Variants in CDYL observed in about 807,000 individuals in gnomAD.
CDYL encodes the protein chromodomain Y like.
In CDYL, 8 loss-of-function variants were observed where a neutral mutation model predicts 47.3. That is an observed-to-expected ratio of 0.17 (90% CI 0.10 to 0.31). The LOEUF (loss-of-function observed/expected upper bound fraction) is 0.31, where lower values mean the gene tolerates loss of function less well. CDYL is among the 10% of genes least tolerant of loss of function. CDYL has a pLI of 1.00. For synonymous variants in CDYL, 266 were observed against 265.0 expected, an observed-to-expected ratio of 1.00 and a Z score of -0.04; for missense variants, 471 against 701.4, an observed-to-expected ratio of 0.67 and a Z score of 3.71.
chr6:4,755,839 G>GT (rs1278887563), intron 3 of CDYL, among the ~76,000 whole-genome samples: 3 of 152,110 alleles, frequency 2.0e-5, no homozygotes, highest in African/African-American at 7.2e-5. Context: ...TTGAACTCAA[G>GT]TGTCATGTTA....
intron 1 of CDYL, among the ~76,000 whole-genome samples, chr6:4,838,592 A>G (rs1760394158): frequency 6.6e-6 from 1 of 152,198 alleles, no homozygotes; most frequent in African/African-American, 2.4e-5. Flanking sequence ...GCAATTGCAA[A>G]TATAAACGTG....
rs115466551 is a variant in CDYL, at chr6:4,864,599, G to A, written c.25-27114G>A. On this transcript the variant is annotated intron_variant, in intron 1 of 6. Coordinates refer to ENST00000397588, the MANE Select transcript of CDYL (RefSeq NM_004824.4). ...TTGTGATAGGGACCCAGGGCAAGGG[G>A]GTAATTGAATCATGGGGCCGGTTTT... 7.6e-3 allele frequency among the ~76,000 whole-genome samples: 1,154 copies of A among 152,208 alleles called. 14 individuals are homozygous for A. Among genetic ancestry groups the A allele is most frequent in the African/African-American group, 0.027 (1,118 of 41,506 alleles).
intron 1 of CDYL, among the ~76,000 whole-genome samples, chr6:4,708,748 G>A (rs1441471472): frequency 6.6e-6 from 1 of 152,170 alleles, no homozygotes; most frequent in South Asian, 2.1e-4. Context: ...GCTGGGCACA[G>A]TGGCTCACAC....
intron 1 of CDYL, among the ~76,000 whole-genome samples, chr6:4,790,659 T>A (rs1758893774): frequency 6.6e-6 from 1 of 152,232 alleles, no homozygotes; most frequent in South Asian, 2.1e-4. Context: ...TACCTGTAAT[T>A]TCAAAGGCAG....
chr6:4,776,655 C>T lies in CDYL; in HGVS notation c.-129C>T, dbSNP rs1581158899. On this transcript the variant is annotated 5_prime_UTR_variant, in exon 1 of 7. Transcript: ENST00000397588. The stretch of plus-strand genomic sequence containing the variant: ...GGAGTGCAAGAGGCTCGTCCGTGCC[C>T]AGCGCCCGGCCGGCCGCGGGAGCAG... 5.0e-6 allele frequency: 4 copies of T among 800,068 alleles called. No homozygotes were observed. The African/African-American group carries it at 5.6e-5, about 11-fold the overall frequency. 49.6% of individuals were successfully genotyped at this position (800,068 alleles called of 1,614,324 possible). A position where few individuals can be genotyped will look rare whatever the true frequency, so the allele number is the denominator to read the frequency against.
At chr6:4,796,999 G>A (rs1446186134) in intron 1 of CDYL, among the ~76,000 whole-genome samples, 2 of 152,058 alleles carry the variant, frequency 1.3e-5, no homozygotes, top group Non-Finnish European at 1.5e-5. Context: ...GTTGCCATTA[G>A]TTTCTTTGAA....
At chr6:4,716,162 G>A (rs1757256835) in intron 2 of CDYL, among the ~76,000 whole-genome samples, 1 of 151,794 alleles carries the variant, frequency 6.6e-6, no homozygotes, top group South Asian at 2.1e-4. Context: ...GCAGGAGAAT[G>A]GCGTGAACCC....
chr6:4,904,737 A>T (rs919168898), intron 2 of CDYL, among the ~76,000 whole-genome samples: 1 of 152,156 alleles, frequency 6.6e-6, no homozygotes, highest in Non-Finnish European at 1.5e-5. Context: ...GTTCTTATTT[A>T]TGTCTGTGCA....
chr6:4,914,284 C>CAG (rs1414505154), intron 2 of CDYL, among the ~76,000 whole-genome samples: 1 of 151,572 alleles, frequency 6.6e-6, no homozygotes, highest in East Asian at 1.9e-4. Context: ...CCCCAGAGGC[C>CAG]AGAGAGAGGG....
intron 2 of CDYL, among the ~76,000 whole-genome samples, chr6:4,929,253 A>G (rs1757964528): frequency 6.6e-6 from 1 of 151,842 alleles, no homozygotes; most frequent in South Asian, 2.1e-4. Context: ...CATACACTTC[A>G]AAGGTGCCAT....
intron 2 of CDYL, among the ~76,000 whole-genome samples, chr6:4,897,477 G>A (rs961230044): frequency 9.9e-5 from 15 of 152,220 alleles, no homozygotes; most frequent in Admixed American, 3.9e-4. Flanking sequence ...AAGAATATGA[G>A]TAGATGATCC....
chr6:4,885,366 C>A (rs13195561), intron 1 of CDYL, among the ~76,000 whole-genome samples: 2,750 of 152,250 alleles, frequency 0.018, 48 homozygotes, highest in Middle Eastern at 0.031. Flanking sequence ...TGTGTCTTGC[C>A]CAGGACGTGA....
In CDYL at chr6:4,823,114, G is replaced by A. The variant is rs185205135; in HGVS notation, c.24+46307G>A. Among the ~76,000 whole-genome samples the A allele has an allele frequency of 1.1e-3, 170 of 152,286 alleles. 3 individuals are homozygous for A. The highest frequency in any genetic ancestry group is 9.7e-3 in the South Asian group (47 of 4,824). ...TAACAAATTGTAACATTTTGAGTTGGCTTCCATATATAAACAAGGAGTAGA... is the reference window on the plus strand; with the variant it reads ...TAACAAATTGTAACATTTTGAGTTGACTTCCATATATAAACAAGGAGTAGA... On this transcript the variant is annotated intron_variant, in intron 1 of 6. Coordinates refer to ENST00000397588, the MANE Select transcript of CDYL (RefSeq NM_004824.4).
At chr6:4,777,782 T>C in intron 1 of CDYL, among the ~76,000 whole-genome samples, 1 of 152,212 alleles carries the variant, frequency 6.6e-6, no homozygotes, top group East Asian at 1.9e-4. Flanking sequence ...TCTTCTCTTA[T>C]GGGCGTATTA....
At chr6:4,765,605 G>A (rs1022490653) in intron 3 of CDYL, among the ~76,000 whole-genome samples, 5 of 149,754 alleles carry the variant, frequency 3.3e-5, no homozygotes, top group East Asian at 2.0e-4. Flanking sequence ...GCTCTGTCGC[G>A]CAGGCTGGAG....
chr6:4,716,593 ATTTTTT>A (rs35154777), intron 2 of CDYL, among the ~76,000 whole-genome samples: 56 of 119,992 alleles, frequency 4.7e-4, no homozygotes, highest in Non-Finnish European at 7.8e-4. Flanking sequence ...GGCAGCAATA[ATTTTTT>A]TTTTTTTTTT....
At chr6:4,754,885 A>C (rs142885011) in intron 3 of CDYL, among the ~76,000 whole-genome samples, 2,022 of 152,318 alleles carry the variant, frequency 0.013, 36 homozygotes, top group African/African-American at 0.045. Flanking sequence ...CTGAAATGTA[A>C]GTAATACATG....
chr6:4,943,412 A>G (rs746492836), intron 4 of CDYL, 134 bp from the exon 5 acceptor site: 5 of 649,948 alleles, frequency 7.7e-6, no homozygotes, highest in Non-Finnish European at 1.3e-5. Flanking sequence ...CTGCTGGGGA[A>G]GGCCTTAAAC....
intron 1 of CDYL, among the ~76,000 whole-genome samples, chr6:4,858,556 G>A (rs546585779): frequency 6.3e-4 from 96 of 152,328 alleles, no homozygotes; most frequent in African/African-American, 2.3e-3. Flanking sequence ...GGGATCGAGC[G>A]CCACCCTGGC....
Sources: allele counts gnomAD v4.1 joint callset (sites outside exome capture counted in the v4.1 genomes callset), GRCh38; gene constraint gnomAD v4.1.1; transcripts MANE v1.5; gene names NCBI Gene and HGNC (gene_info 2026-07-23, HGNC 2026-07-21).